CCDC112: variants seen among roughly 807,000 people sequenced by gnomAD.
CCDC112 encodes the protein coiled-coil domain-containing protein 112.
In CCDC112, 40 loss-of-function variants were observed where a neutral mutation model predicts 66.3. The observed-to-expected ratio is 0.60, with a 90% CI of 0.47 to 0.79. The LOEUF (loss-of-function observed/expected upper bound fraction) is 0.79. CCDC112 is among the 30% of genes least tolerant of loss of function. CCDC112 has a pLI of 0.00. For synonymous variants in CCDC112, 214 were observed against 197.2 expected, an observed-to-expected ratio of 1.09 and a Z score of -0.71; for missense variants, 659 against 603.8, an observed-to-expected ratio of 1.09 and a Z score of -0.96.
chr5:115,272,455 ACTT>A (rs1460847939), intron 6 of CCDC112, among the ~76,000 whole-genome samples: 2 of 152,174 alleles, frequency 1.3e-5, no homozygotes, highest in African/African-American at 4.8e-5. Flanking sequence ...GAGCCACTAA[ACTT>A]CTCTGTCCTC....
chr5:115,283,175 A>G lies in CCDC112; in HGVS notation c.239+1612T>C, dbSNP rs148716385. Among the ~76,000 whole-genome samples, 170 of 152,274 alleles carry G rather than the reference A, an allele frequency of 1.1e-3. 1 individual carries two copies. Among genetic ancestry groups the G allele is most frequent in the African/African-American group, 4.0e-3 (166 of 41,586 alleles). On this transcript the variant is annotated intron_variant, in intron 2 of 9. Transcript: ENST00000379611. ...TATATGTATTAGCAACTTCAAGCAT[A>G]CAATACGTTATTATTAACTATACTC... is the stretch of plus-strand genomic sequence containing the variant.
At chr5:115,280,698 G>A (rs2909842) in intron 2 of CCDC112, among the ~76,000 whole-genome samples, 45,861 of 151,568 alleles carry the variant, frequency 0.3, 7,319 homozygotes, top group Middle Eastern at 0.53. Flanking sequence ...GACTACAGGG[G>A]CACACAACCA....
At chr5:115,270,646 A>C (rs1748957622) in intron 7 of CCDC112, among the ~76,000 whole-genome samples, 1 of 152,216 alleles carries the variant, frequency 6.6e-6, no homozygotes, top group Admixed American at 6.5e-5. Context: ...ATGGTGGGGA[A>C]ATGAACAAAT....
At chr5:115,292,406 A>T (rs560921090) in intron 1 of CCDC112, among the ~76,000 whole-genome samples, 81 of 152,124 alleles carry the variant, frequency 5.3e-4, no homozygotes, top group Middle Eastern at 3.4e-3. Context: ...ACTTTCTCTT[A>T]GTTCTTTAGA....
intron 1 of CCDC112, among the ~76,000 whole-genome samples, chr5:115,291,018 G>C (rs1260518059): frequency 6.6e-6 from 1 of 152,052 alleles, no homozygotes; most frequent in Non-Finnish European, 1.5e-5. Context: ...AGAACTTTCA[G>C]TGAGTAAAGT....
rs758646662 is a variant in CCDC112, at chr5:115,271,622, A to G, written c.923T>C (p.Ile308Thr). ...LALEERKKESIQIWKTKKQQK... is the reference protein window; with the variant it reads ...LALEERKKESTQIWKTKKQQK... The stretch of plus-strand genomic sequence containing the variant: ...CTGCTTTTTAGTTTTCCAAATCTGA[A>G]TTGACTAAATGATTTTTTTAAAAAA... The change falls in exon 7 of 10, where the codon ATT becomes ACT. Residue 308 changes from isoleucine (I) to threonine (T), a missense_variant. Ile to Thr is a moderately conservative substitution (Grantham distance 89). Coordinates refer to ENST00000379611, the MANE Select transcript of CCDC112 (RefSeq NM_001040440.3). 1 of 1,508,782 alleles carries G rather than the reference A, an allele frequency of 6.6e-7. No individual in the cohort carries two copies. The highest frequency in any genetic ancestry group is 2.5e-5 in the Admixed American group (1 of 40,332). The allele number at this position is 1,508,782 out of a possible 1,614,324, so 93.5% of individuals were successfully genotyped here.
At position 115,267,821 on chromosome 5, in the gene CCDC112, C is replaced by G. The variant is rs956340122; in HGVS notation, c.*55G>C. On this transcript the variant is annotated 3_prime_UTR_variant, in exon 10 of 10. Coordinates refer to ENST00000379611, the MANE Select transcript of CCDC112 (RefSeq NM_001040440.3). Reference sequence around the variant, plus strand: ...AAGAATGTGGTTAGTCACTCTCTCCCTGGTATAACTTAGTATGTTAACATT... The same window carrying G: ...AAGAATGTGGTTAGTCACTCTCTCCGTGGTATAACTTAGTATGTTAACATT... 1 of 1,347,892 alleles carries G rather than the reference C, an allele frequency of 7.4e-7. No individual in the cohort carries two copies. Among genetic ancestry groups the G allele is most frequent in the Non-Finnish European group, 1.1e-6 (1 of 938,276 alleles). The allele number at this position is 1,347,892 out of a possible 1,614,324, so 83.5% of individuals were successfully genotyped here.
intron 1 of CCDC112, among the ~76,000 whole-genome samples, chr5:115,292,884 T>C (rs1479135833): frequency 6.6e-6 from 1 of 152,230 alleles, no homozygotes; most frequent in Non-Finnish European, 1.5e-5. Flanking sequence ...CCTATCTTAG[T>C]ATTTACTTTC....
chr5:115,290,198 T>C (rs951257254), intron 1 of CCDC112, among the ~76,000 whole-genome samples: 22 of 152,232 alleles, frequency 1.4e-4, no homozygotes, highest in Non-Finnish European at 2.5e-4. Context: ...TCAGCTTCTG[T>C]AGGTGGTTAT....
intron 1 of CCDC112, among the ~76,000 whole-genome samples, chr5:115,288,744 T>A (rs948451625): frequency 6.6e-6 from 1 of 152,198 alleles, no homozygotes; most frequent in Non-Finnish European, 1.5e-5. Context: ...AAGCCTCCCA[T>A]AATTGAATAT....
At position 115,272,864 on chromosome 5, in the gene CCDC112, C is replaced by A. The variant is rs1749064193; in HGVS notation, c.919-1238G>T. ...ACCTAGTACAGTGCTACTCAAAATA[C>A]CAGTCTGCAAAAATATTGGGAATTT... On this transcript the variant is annotated intron_variant, in intron 6 of 9. Coordinates refer to ENST00000379611, the MANE Select transcript of CCDC112 (RefSeq NM_001040440.3). Among the ~76,000 whole-genome samples, 4 of 152,242 alleles carry A rather than the reference C, an allele frequency of 2.6e-5. No individual in the cohort carries two copies. In the South Asian group the frequency reaches 8.3e-4, roughly 32 times the overall value.
In CCDC112 at chr5:115,275,499, A is replaced by G. The variant is rs578070819; in HGVS notation, c.635T>C (p.Phe212Ser). The change falls in exon 6 of 10, where the codon TTC (phenylalanine) becomes TCC (serine). Residue 212 changes from phenylalanine (F) to serine (S), a missense_variant. Physicochemically the swap from Phe to Ser is radical, Grantham distance 155. Coordinates refer to ENST00000379611, the MANE Select transcript of CCDC112 (RefSeq NM_001040440.3). ...AGGAACTTTGCTTGAGATTGCTCTG[A>G]AAGCTTTCTCTGTTTCTGAATTACC... ...ALGNSETEKA[F>S]RAISSKVPVD... 17 of 1,614,030 alleles carry G rather than the reference A, an allele frequency of 1.1e-5. No homozygotes were observed. The highest frequency in any genetic ancestry group is 6.7e-5 in the Admixed American group (4 of 60,000).
At chr5:115,278,569 CCT>C (rs1749306628) in intron 3 of CCDC112, among the ~76,000 whole-genome samples, 1 of 151,926 alleles carries the variant, frequency 6.6e-6, no homozygotes, top group Non-Finnish European at 1.5e-5. Flanking sequence ...AATCAAGTGA[CCT>C]AAAATTTGCA....
At position 115,269,744 on chromosome 5, in the gene CCDC112, T is replaced by G; in HGVS notation, c.1387A>C (p.Lys463Gln). Reference protein sequence around the residue: ...ILDRQAKEDEKSQKQRRLAKL... With the variant: ...ILDRQAKEDEQSQKQRRLAKL... Reference sequence around the variant, plus strand: ...GCCAGTCTTCTTTGTTTTTGTGACTTTTCATCTTCCTTTGCCTGTCTATCT... The same window carrying G: ...GCCAGTCTTCTTTGTTTTTGTGACTGTTCATCTTCCTTTGCCTGTCTATCT... Residue 463 changes from lysine to glutamine, a missense_variant, in exon 8 of 10, where the codon AAG (lysine) becomes CAG (glutamine). Lys to Gln is a moderately conservative substitution (Grantham distance 53, BLOSUM62 1). Coordinates refer to ENST00000379611, the MANE Select transcript of CCDC112 (RefSeq NM_001040440.3). 1 of 1,603,234 alleles carries G rather than the reference T, an allele frequency of 6.2e-7. No individual in the cohort carries two copies. The highest frequency in any genetic ancestry group is 8.5e-7 in the Non-Finnish European group (1 of 1,175,990).
At chr5:115,285,902 T>C (rs1256940755) in intron 1 of CCDC112, among the ~76,000 whole-genome samples, 1 of 152,046 alleles carries the variant, frequency 6.6e-6, no homozygotes, top group Non-Finnish European at 1.5e-5. Flanking sequence ...CTCAATGTAT[T>C]TTGGAGGTAT....
intron 1 of CCDC112, chr5:115,289,115 TC>T (rs1749810414): frequency 4.2e-6 from 1 of 237,476 alleles, no homozygotes; most frequent in South Asian, 5.2e-5. Context: ...AGATAAGTCT[TC>T]TTTAGTTTAT....
Position 115,275,566 on chromosome 5 carries a change from CATT to C in CCDC112, c.565_567del (p.Asn189del). On this transcript the variant is annotated inframe_deletion, in exon 6 of 10. Coordinates refer to ENST00000379611, the MANE Select transcript of CCDC112 (RefSeq NM_001040440.3). The stretch of plus-strand genomic sequence containing the variant: ...ATTTTTCTTGATATGGCACTCAACT[CATT>C]ATTAGTTGTCTTCTCTTCTTTAATT... 1.2e-6 allele frequency: 2 copies of C among 1,603,850 alleles called. No homozygotes were observed. Among genetic ancestry groups the C allele is most frequent in the Non-Finnish European group, 1.7e-6 (2 of 1,173,292 alleles).
intron 9 of CCDC112, among the ~76,000 whole-genome samples, chr5:115,268,436 A>AT (rs947744246): frequency 5.5e-4 from 83 of 151,276 alleles, no homozygotes; most frequent in African/African-American, 2.0e-3. Context: ...TGCCTGGCTA[A>AT]TTTTTTTTGT....
chr5:115,296,305 AG>A, intron 1 of CCDC112, 121 bp downstream of exon 1: 1 of 1,340,300 alleles, frequency 7.5e-7, no homozygotes, highest in South Asian at 1.9e-5. Context: ...AGCGCGTGCC[AG>A]GCCCCGAGCA....
Sources: gnomAD v4.1 joint callset for allele counts (sites outside exome capture counted in the v4.1 genomes callset) on GRCh38, gnomAD v4.1.1 for gene constraint, MANE v1.5 for transcripts, NCBI Gene and HGNC (gene_info 2026-07-23, HGNC 2026-07-21) for gene names.